The following ADAM17 variants were observed in gnomAD, a reference collection of about 807,000 sequenced individuals.
ADAM17 encodes the protein ADAM metallopeptidase domain 17.
Under a neutral mutation model 96.7 loss-of-function variants are expected in ADAM17, and 39 were observed. That is an observed-to-expected ratio of 0.40 (90% CI 0.31 to 0.53). The LOEUF is 0.53. ADAM17 is among the 20% of genes least tolerant of loss of function. The probability of loss-of-function intolerance (pLI) is 0.44; values close to 1 mark genes in which losing one functional copy is unlikely to be tolerated. For missense variants in ADAM17, 777 were observed against 1,013.2 expected, an observed-to-expected ratio of 0.77 and a Z score of 3.17; for synonymous variants, 344 against 359.2, an observed-to-expected ratio of 0.96 and a Z score of 0.48.
At chr2:9,502,982 T>C (rs1285680938) in intron 12 of ADAM17, among the ~76,000 whole-genome samples, 7 of 139,588 alleles carry the variant, frequency 5.0e-5, no homozygotes, top group South Asian at 2.2e-4. Context: ...CTACTAAAGA[T>C]ACAAAAAATT....
In ADAM17 at chr2:9,502,212, C is replaced by T; in HGVS notation, c.1609G>A (p.Ala537Thr). The change falls in exon 13 of 19, where the codon GCG becomes ACG. Residue 537 changes from alanine (A) to threonine (T), a missense_variant. Ala to Thr is a moderately conservative substitution (Grantham distance 58, BLOSUM62 0). This residue lies in a region of ADAM17 where 446 missense variants were observed against 664.7 expected (regional missense o/e 0.67). Coordinates refer to ENST00000310823, the MANE Select transcript of ADAM17 (RefSeq NM_003183.6). ...ACGCCTTTGCAAGTAGCATTAATCGCCTCCTGGCACTTCTTCTGGGCAGTC... is the reference window on the plus strand; with the variant it reads ...ACGCCTTTGCAAGTAGCATTAATCGTCTCCTGGCACTTCTTCTGGGCAGTC... The part of the protein sequence containing the change: ...FETAQKKCQE[A>T]INATCKGVSY... 6.2e-7 allele frequency: 1 copy of T among 1,614,144 alleles called. No individual in the cohort carries two copies. The highest frequency in any genetic ancestry group is 8.5e-7 in the Non-Finnish European group (1 of 1,180,048).
At chr2:9,515,213 A>C (rs1663998069) in intron 10 of ADAM17, among the ~76,000 whole-genome samples, 1 of 152,086 alleles carries the variant, frequency 6.6e-6, no homozygotes, top group African/African-American at 2.4e-5. Context: ...TATAGTCTGC[A>C]TGGTTTTGTC....
intron 10 of ADAM17, among the ~76,000 whole-genome samples, chr2:9,514,523 ATATATATATATATATAT>A (rs1663937345): frequency 4.3e-4 from 2 of 4,696 alleles, no homozygotes; most frequent in East Asian, 3.3e-3. Context: ...ATATAAATAT[ATATATATATATATATAT>A]ATATATATAT....
At chr2:9,514,980 C>A (rs1487748229) in intron 10 of ADAM17, among the ~76,000 whole-genome samples, 1 of 152,220 alleles carries the variant, frequency 6.6e-6, no homozygotes, top group Non-Finnish European at 1.5e-5. Flanking sequence ...CTCAAGTGAT[C>A]CTCCCGCGTA....
chr2:9,548,308 G>T (rs912893199), intron 1 of ADAM17, among the ~76,000 whole-genome samples: 3 of 152,012 alleles, frequency 2.0e-5, no homozygotes, highest in Non-Finnish European at 4.4e-5. Flanking sequence ...CTCCAACCTG[G>T]GTGACAGAGT....
chr2:9,516,028 C>G (rs932485825), intron 10 of ADAM17, among the ~76,000 whole-genome samples: 2 of 152,134 alleles, frequency 1.3e-5, no homozygotes, highest in African/African-American at 4.8e-5. Flanking sequence ...CTCAGCCTCC[C>G]AAGCAACTGG....
At chr2:9,523,377 T>A (rs1458083385) in intron 6 of ADAM17, 39 bp from the exon 7 acceptor site, 1 of 1,466,222 alleles carries the variant, frequency 6.8e-7, no homozygotes, top group South Asian at 1.2e-5. Flanking sequence ...ATTATGTAAC[T>A]CTTTACCTCT....
intron 14 of ADAM17, among the ~76,000 whole-genome samples, chr2:9,496,127 A>G (rs776736769): frequency 6.6e-5 from 10 of 151,138 alleles, no homozygotes; most frequent in Non-Finnish European, 1.5e-4. Context: ...TTTATTTTTT[A>G]CTTATTTATT....
chr2:9,490,994 G>C, intron 18 of ADAM17, 107 bp downstream of exon 18: 1 of 972,492 alleles, frequency 1.0e-6, no homozygotes. Flanking sequence ...GCTGCAACAT[G>C]ACCTTCCATC....
At chr2:9,495,718 A>AAC (rs1192563733) in intron 14 of ADAM17, among the ~76,000 whole-genome samples, 1 of 151,792 alleles carries the variant, frequency 6.6e-6, no homozygotes, top group African/African-American at 2.4e-5. Context: ...TCTCAAAAAA[A>AAC]AAAAAAGAAA....
chr2:9,490,119 G>A lies in ADAM17; in HGVS notation c.*58C>T. 1 of 1,417,006 alleles carries A rather than the reference G, an allele frequency of 7.1e-7. No individual in the cohort carries two copies. Among genetic ancestry groups the A allele is most frequent in the Non-Finnish European group, 9.6e-7 (1 of 1,039,822 alleles). 87.8% of individuals were successfully genotyped at this position (1,417,006 alleles called of 1,614,324 possible). A position where few individuals can be genotyped will look rare whatever the true frequency, so the allele number is the denominator to read the frequency against. On this transcript the variant is annotated 3_prime_UTR_variant, in exon 19 of 19. Transcript: ENST00000310823. ...ACAAAATACAAGCTGTGATTGATTT[G>A]TAGGTCAAATCTATAAAAATATTTT... is the stretch of plus-strand genomic sequence containing the variant.
intron 12 of ADAM17, among the ~76,000 whole-genome samples, chr2:9,504,435 C>T (rs1205023213): frequency 3.3e-5 from 5 of 150,944 alleles, no homozygotes; most frequent in African/African-American, 9.8e-5. Flanking sequence ...CAGAGCGAGA[C>T]GCCGTCTCAA....
At chr2:9,502,408 A>T (rs115557431) in intron 12 of ADAM17, 132 bp from the exon 13 acceptor site, 98 of 692,762 alleles carry the variant, frequency 1.4e-4, no homozygotes, top group African/African-American at 1.3e-3. Flanking sequence ...CCACTCCTAC[A>T]TCATCAGACA....
chr2:9,521,392 C>G (rs1276916279), intron 7 of ADAM17, 76 bp from the exon 8 acceptor site: 37 of 1,032,346 alleles, frequency 3.6e-5, no homozygotes, highest in Non-Finnish European at 5.0e-5. Context: ...ATTATTTTAT[C>G]TGTTCAAAAA....
chr2:9,523,874 TTTTC>T (rs1181566380), intron 6 of ADAM17, among the ~76,000 whole-genome samples: 4 of 151,722 alleles, frequency 2.6e-5, no homozygotes, highest in East Asian at 3.9e-4. Context: ...TTCCTTATGA[TTTTC>T]TTTTTTTTTT....
At chr2:9,514,501 C>T (rs1438270539) in intron 10 of ADAM17, among the ~76,000 whole-genome samples, 1 of 118,556 alleles carries the variant, frequency 8.4e-6, no homozygotes, top group African/African-American at 3.1e-5. Context: ...TATCCTAGAA[C>T]TTAAATTTAA....
chr2:9,536,353 G>A (rs532561749), intron 3 of ADAM17, among the ~76,000 whole-genome samples: 7 of 152,078 alleles, frequency 4.6e-5, no homozygotes, highest in African/African-American at 1.4e-4. Context: ...AAATACATAC[G>A]TAATAGGATC....
intron 12 of ADAM17, 94 bp downstream of exon 12, chr2:9,505,072 A>C: frequency 7.5e-7 from 1 of 1,333,784 alleles, no homozygotes; most frequent in Admixed American, 2.0e-5. Flanking sequence ...CACCCCTTTC[A>C]GTTGATTCTA....
intron 13 of ADAM17, among the ~76,000 whole-genome samples, chr2:9,499,204 A>G (rs571484376): frequency 4.1e-5 from 6 of 147,146 alleles, no homozygotes; most frequent in Non-Finnish European, 7.4e-5. Context: ...TCTGCTATCT[A>G]CTATTTTGTA....
Sources: allele counts gnomAD v4.1 joint callset (sites outside exome capture counted in the v4.1 genomes callset), GRCh38; gene constraint gnomAD v4.1.1; regional missense constraint gnomAD v4.1.1; transcripts MANE v1.5; gene names NCBI Gene and HGNC (gene_info 2026-07-23, HGNC 2026-07-21).